The following ZNF654 variants were observed in gnomAD, a reference collection of about 807,000 sequenced individuals.
ZNF654 encodes zinc finger protein 654.
ZNF654 carries 19 observed loss-of-function variants against 95.3 expected under a neutral mutation model. That is an observed-to-expected ratio of 0.20 (90% CI 0.14 to 0.29). The LOEUF (loss-of-function observed/expected upper bound fraction) is 0.29, where lower values mean the gene tolerates loss of function less well. Among genes scored for constraint, ZNF654 ranks in the 10% least tolerant of loss-of-function variants. The pLI, the probability that ZNF654 is intolerant of heterozygous loss-of-function variation, is 1.00. For missense variants in ZNF654, 1,046 were observed against 1,341.0 expected, an observed-to-expected ratio of 0.78 and a Z score of 3.44; for synonymous variants, 413 against 457.9, an observed-to-expected ratio of 0.90 and a Z score of 1.25.
At chr3:88,064,969 A>T (rs1365696985) in intron 1 of ZNF654, among the ~76,000 whole-genome samples, 2 of 152,258 alleles carry the variant, frequency 1.3e-5, no homozygotes, top group Non-Finnish European at 2.9e-5. Context: ...TGTGGTGAAT[A>T]TCCAGAGCTA....
chr3:88,076,818 CT>C (rs1707829282), intron 1 of ZNF654, among the ~76,000 whole-genome samples: 4 of 152,100 alleles, frequency 2.6e-5, no homozygotes, highest in Admixed American at 1.3e-4. Context: ...CATCTAAAGC[CT>C]TTAAAATGAC....
At chr3:88,072,101 G>C (rs1232420039) in intron 1 of ZNF654, among the ~76,000 whole-genome samples, 1 of 152,094 alleles carries the variant, frequency 6.6e-6, no homozygotes, top group Admixed American at 6.5e-5. Context: ...AATAGGTACT[G>C]TGTGAAAAGC....
chr3:88,115,870 G>A (rs571100619), intron 3 of ZNF654, among the ~76,000 whole-genome samples: 42 of 152,230 alleles, frequency 2.8e-4, no homozygotes, highest in Admixed American at 1.8e-3. Context: ...TAAAATGAGG[G>A]AAAATAATAA....
At position 88,138,794 on chromosome 3, in the gene ZNF654, A is replaced by T; in HGVS notation, c.1125A>T (p.Leu375=). The stretch of plus-strand genomic sequence containing the variant: ...ATGATGATCCCAAAACTAAATGTCT[A>T]ATTTATAAAACAATTGCACATTTTT... ...DLHDDPKTKC[L]IYKTIAHFLP... is the part of the protein sequence containing the mutation. The change falls in exon 8 of 9, where the codon CTA becomes CTT. Residue 375 remains leucine, a synonymous_variant. Transcript: ENST00000636215. 8.1e-7 allele frequency: 1 copy of T among 1,232,056 alleles called. No individual in the cohort carries two copies. The highest frequency in any genetic ancestry group is 3.2e-5 in the East Asian group (1 of 31,686). 76.3% of individuals were successfully genotyped at this position (1,232,056 alleles called of 1,614,324 possible). A position where few individuals can be genotyped will look rare whatever the true frequency, so the allele number is the denominator to read the frequency against.
rs921202280 is a variant in ZNF654 at position 88,141,673 on chromosome 3, C to G, written c.*21C>G. 6.7e-7 allele frequency: 1 copy of G among 1,499,762 alleles called. No homozygotes were observed. The allele number at this position is 1,499,762 out of a possible 1,614,324, so 92.9% of individuals were successfully genotyped here. ...CCTGATGAAAACGGTTCAGAAAGAT[C>G]TGTCAATCAAGCAGTAGTGTGAAAA... On this transcript the variant is annotated 3_prime_UTR_variant, in exon 9 of 9. Transcript: ENST00000636215.
At chr3:88,076,686 T>G (rs927673712) in intron 1 of ZNF654, among the ~76,000 whole-genome samples, 19 of 152,252 alleles carry the variant, frequency 1.2e-4, no homozygotes, top group African/African-American at 4.1e-4. Flanking sequence ...GTACTTCTTG[T>G]GCGTATATTT....
chr3:88,108,680 A>G (rs1052829433), intron 2 of ZNF654, among the ~76,000 whole-genome samples: 2 of 152,302 alleles, frequency 1.3e-5, no homozygotes, highest in East Asian at 1.9e-4. Context: ...CAGATCAACT[A>G]TCATGAGTAT....
intron 2 of ZNF654, among the ~76,000 whole-genome samples, chr3:88,093,851 GT>G (rs1414348605): frequency 6.6e-6 from 1 of 152,122 alleles, no homozygotes; most frequent in African/African-American, 2.4e-5. Flanking sequence ...AGGTACATTT[GT>G]TTTTTGCGGG....
At chr3:88,084,563 A>C (rs1277464577) in intron 1 of ZNF654, among the ~76,000 whole-genome samples, 1 of 152,162 alleles carries the variant, frequency 6.6e-6, no homozygotes, top group African/African-American at 2.4e-5. Flanking sequence ...TTCAGAGACA[A>C]TCTCCTTTAG....
intron 3 of ZNF654, among the ~76,000 whole-genome samples, chr3:88,115,602 A>C (rs1705342795): frequency 6.6e-6 from 1 of 152,154 alleles, no homozygotes; most frequent in Middle Eastern, 3.2e-3. Flanking sequence ...TCTTCCATGA[A>C]TTTCTGATCT....
At chr3:88,100,661 G>T (rs1460556929) in intron 2 of ZNF654, among the ~76,000 whole-genome samples, 1 of 152,146 alleles carries the variant, frequency 6.6e-6, no homozygotes, top group African/African-American at 2.4e-5. Flanking sequence ...CCTTTGTAGG[G>T]ACATGGATGA....
At chr3:88,070,621 T>TTATATAC (rs1335804127) in intron 1 of ZNF654, among the ~76,000 whole-genome samples, 1 of 150,684 alleles carries the variant, frequency 6.6e-6, no homozygotes, top group African/African-American at 2.5e-5. Context: ...CCATTTAATT[T>TTATATAC]TATATACTCT....
At chr3:88,121,996 G>GA (rs1705797231) in intron 3 of ZNF654, among the ~76,000 whole-genome samples, 1 of 151,966 alleles carries the variant, frequency 6.6e-6, no homozygotes, top group Non-Finnish European at 1.5e-5. Flanking sequence ...CTGTCTGTTT[G>GA]AAAAAACTTT....
At chr3:88,086,172 T>G in intron 1 of ZNF654, 85 bp from the exon 2 acceptor site, 1 of 1,276,204 alleles carries the variant, frequency 7.8e-7, no homozygotes, top group Non-Finnish European at 1.1e-6. Flanking sequence ...ATATTTTAAT[T>G]TATCCAGTAA....
chr3:88,096,147 T>C (rs1240405831), intron 2 of ZNF654, among the ~76,000 whole-genome samples: 1 of 151,884 alleles, frequency 6.6e-6, no homozygotes, highest in Non-Finnish European at 1.5e-5. Context: ...TAGGTAAATG[T>C]CAACCATCCT....
chr3:88,129,767 G>C lies in ZNF654; in HGVS notation c.834G>C (p.Leu278Phe), dbSNP rs1706336445. 6.5e-7 allele frequency: 1 copy of C among 1,528,462 alleles called. No homozygotes were observed. 94.7% of individuals were successfully genotyped at this position (1,528,462 alleles called of 1,614,324 possible). A position where few individuals can be genotyped will look rare whatever the true frequency, so the allele number is the denominator to read the frequency against. Residue 278 changes from leucine to phenylalanine, a missense_variant, in exon 6 of 9, where the codon TTG becomes TTC. Transcript: ENST00000636215. ...AEKEGKTMLA[L>F]QLCESFLIPQ... ...AAGAAGGCAAAACTATGTTAGCCTT[G>C]CAACTCTGTGAATCCTTTCTTATTC...
intron 4 of ZNF654, among the ~76,000 whole-genome samples, chr3:88,128,487 C>A (rs1706252218): frequency 6.6e-6 from 1 of 151,748 alleles, no homozygotes; most frequent in African/African-American, 2.4e-5. Flanking sequence ...AAGACATAGA[C>A]CCATGTTACT....
intron 1 of ZNF654, among the ~76,000 whole-genome samples, chr3:88,061,991 C>T (rs1283881985): frequency 1.3e-5 from 2 of 152,142 alleles, no homozygotes; most frequent in African/African-American, 4.8e-5. Context: ...GTTGTGTGGG[C>T]AAAGGGAGAG....
chr3:88,128,221 TATTA>T (rs959183103), intron 4 of ZNF654, among the ~76,000 whole-genome samples: 3 of 152,268 alleles, frequency 2.0e-5, no homozygotes, highest in South Asian at 2.1e-4. Flanking sequence ...TTGTGTAAAG[TATTA>T]ATTAGTAATT....
Sources: allele counts gnomAD v4.1 joint callset (sites outside exome capture counted in the v4.1 genomes callset), GRCh38; gene constraint gnomAD v4.1.1; transcripts MANE v1.5; gene names NCBI Gene and HGNC (gene_info 2026-07-23, HGNC 2026-07-21).